The following GRIN2B variants were observed in gnomAD, a reference collection of about 807,000 sequenced individuals.
The protein encoded by GRIN2B is glutamate ionotropic receptor NMDA type subunit 2B.
A neutral mutation model predicts 114.5 loss-of-function variants in GRIN2B; 5 were observed. That is an observed-to-expected ratio of 0.04 (90% CI 0.02 to 0.09). GRIN2B has a LOEUF of 0.09. Ranked by LOEUF, GRIN2B falls within the 10% of genes least tolerant of loss-of-function variation. GRIN2B has a pLI of 1.00. For synonymous variants in GRIN2B, 787 were observed against 745.1 expected (o/e 1.06, Z -0.92); for missense variants, 1,108 against 1,943.5 (o/e 0.57, Z 8.08).
chr12:13,585,168 A>G (rs1163076485), intron 10 of GRIN2B, among the ~76,000 whole-genome samples: 2 of 152,200 alleles, frequency 1.3e-5, no homozygotes, highest in Non-Finnish European at 2.9e-5. Context: ...TTCCCAATGA[A>G]TTTAGGGTTC....
chr12:13,685,479 G>A (rs912350030), intron 4 of GRIN2B, among the ~76,000 whole-genome samples: 2 of 152,168 alleles, frequency 1.3e-5, no homozygotes, highest in Non-Finnish European at 2.9e-5. Flanking sequence ...AAGATTTATA[G>A]AAGTGATTAT....
In GRIN2B at chr12:13,612,804, A is replaced by G. The variant is rs180719486; in HGVS notation, c.1655-954T>C. 6.6e-5 allele frequency among the ~76,000 whole-genome samples: 10 copies of G among 152,316 alleles called. No individual in the cohort carries two copies. In the East Asian group the frequency reaches 1.9e-3, roughly 29 times the overall value. On this transcript the variant is annotated intron_variant, in intron 8 of 13. Transcript: ENST00000609686. ...CAATCACTATTCTGTCCCATGATACAATGCTCCCTCAATTGTGTCTCAAAA... is the reference window on the plus strand; with the variant it reads ...CAATCACTATTCTGTCCCATGATACGATGCTCCCTCAATTGTGTCTCAAAA...
At chr12:13,738,388 T>C (rs556399378) in intron 4 of GRIN2B, among the ~76,000 whole-genome samples, 1 of 152,244 alleles carries the variant, frequency 6.6e-6, no homozygotes, top group African/African-American at 2.4e-5. Flanking sequence ...TTATAATCTA[T>C]GTACAGAGGA....
chr12:13,746,330 CT>C (rs1863382492), intron 4 of GRIN2B, among the ~76,000 whole-genome samples: 1 of 152,144 alleles, frequency 6.6e-6, no homozygotes, highest in African/African-American at 2.4e-5. Context: ...CTATGACCCG[CT>C]TTTTAACCCA....
chr12:13,821,741 A>G (rs1161357190), intron 3 of GRIN2B, among the ~76,000 whole-genome samples: 2 of 152,226 alleles, frequency 1.3e-5, no homozygotes, highest in East Asian at 3.8e-4. Context: ...TGACAAAGAT[A>G]TGTCCACTAT....
At chr12:13,910,332 G>T (rs1236193601) in intron 2 of GRIN2B, among the ~76,000 whole-genome samples, 1 of 152,136 alleles carries the variant, frequency 6.6e-6, no homozygotes, top group African/African-American at 2.4e-5. Context: ...GTATTTGCAA[G>T]AATCTATGTC....
At chr12:13,749,612 G>A (rs1018875031) in intron 4 of GRIN2B, among the ~76,000 whole-genome samples, 5 of 152,208 alleles carry the variant, frequency 3.3e-5, no homozygotes, top group African/African-American at 1.2e-4. Context: ...TGGCTAAATG[G>A]TGTGGCTGCT....
At chr12:13,750,097 C>G (rs571463771) in intron 4 of GRIN2B, among the ~76,000 whole-genome samples, 109 of 152,302 alleles carry the variant, frequency 7.2e-4, no homozygotes, top group African/African-American at 2.5e-3. Flanking sequence ...GAAGACACTT[C>G]TTAAGCCGTA....
chr12:13,964,909 G>T (rs1446209458), intron 2 of GRIN2B, among the ~76,000 whole-genome samples: 1 of 152,164 alleles, frequency 6.6e-6, no homozygotes, highest in Non-Finnish European at 1.5e-5. Flanking sequence ...TGAGAAGCAG[G>T]CACAATACTT....
chr12:13,629,928 A>G (rs773454654), intron 5 of GRIN2B, among the ~76,000 whole-genome samples: 2 of 152,156 alleles, frequency 1.3e-5, no homozygotes, highest in Non-Finnish European at 2.9e-5. Flanking sequence ...TGGCTGGACT[A>G]AGGGGTTAGG....
chr12:13,739,249 G>A (rs1410196419), intron 4 of GRIN2B, among the ~76,000 whole-genome samples: 1 of 151,592 alleles, frequency 6.6e-6, no homozygotes, highest in Non-Finnish European at 1.5e-5. Flanking sequence ...GCATGGTGGT[G>A]CATGCTACCC....
At chr12:13,769,266 CA>C (rs1863861322) in intron 3 of GRIN2B, among the ~76,000 whole-genome samples, 1 of 152,034 alleles carries the variant, frequency 6.6e-6, no homozygotes, top group Non-Finnish European at 1.5e-5. Context: ...CTCAGTAATG[CA>C]AGGTCACTCA....
At chr12:13,782,535 A>T (rs1214427892) in intron 3 of GRIN2B, among the ~76,000 whole-genome samples, 317 of 152,344 alleles carry the variant, frequency 2.1e-3, no homozygotes, top group African/African-American at 7.2e-3. Flanking sequence ...AGTTGAAACT[A>T]CAATAAAATA....
intron 9 of GRIN2B, among the ~76,000 whole-genome samples, chr12:13,610,996 G>A (rs1047575292): frequency 5.3e-5 from 8 of 152,090 alleles, no homozygotes; most frequent in African/African-American, 1.9e-4. Flanking sequence ...CTTAATCCTG[G>A]GGTTCTCAGG....
intron 3 of GRIN2B, among the ~76,000 whole-genome samples, chr12:13,769,040 T>A (rs1863856123): frequency 6.6e-6 from 1 of 151,988 alleles, no homozygotes; most frequent in Admixed American, 6.6e-5. Context: ...TCTCAAAAAA[T>A]AAATAAAATA....
chr12:13,587,383 G>A (rs1267873661), intron 10 of GRIN2B, among the ~76,000 whole-genome samples: 5 of 149,330 alleles, frequency 3.3e-5, no homozygotes, highest in South Asian at 2.1e-4. Context: ...TTTGAGATAG[G>A]GTCTTGCTCT....
At chr12:13,807,926 A>T (rs577262959) in intron 3 of GRIN2B, among the ~76,000 whole-genome samples, 1 of 152,098 alleles carries the variant, frequency 6.6e-6, no homozygotes, top group African/African-American at 2.4e-5. Flanking sequence ...CAGTAGAAAG[A>T]TAATCCATAA....
chr12:13,646,175 G>T (rs745478108), intron 5 of GRIN2B, among the ~76,000 whole-genome samples: 7 of 152,044 alleles, frequency 4.6e-5, no homozygotes, highest in Admixed American at 6.6e-5. Context: ...TTTACAAAAA[G>T]TAATTCAAAG....
chr12:13,855,313 G>T (rs1296175060), intron 3 of GRIN2B, among the ~76,000 whole-genome samples: 6 of 152,088 alleles, frequency 3.9e-5, no homozygotes, highest in Non-Finnish European at 8.8e-5. Context: ...GGAAACTAAG[G>T]CTCAGAGAAG....
Sources: allele counts gnomAD v4.1 joint callset (sites outside exome capture counted in the v4.1 genomes callset), GRCh38; gene constraint gnomAD v4.1.1; transcripts MANE v1.5; gene names NCBI Gene and HGNC (gene_info 2026-07-23, HGNC 2026-07-21).